The following RNF19A variants were observed in gnomAD, a reference collection of about 807,000 sequenced individuals.
The protein encoded by RNF19A is ring finger protein 19A, RBR E3 ubiquitin protein ligase, also known as E3 ubiquitin-protein ligase RNF19A.
Under a neutral mutation model 75.7 loss-of-function variants are expected in RNF19A, and 32 were observed. The observed-to-expected ratio is 0.42, with a 90% CI of 0.32 to 0.57. The LOEUF (loss-of-function observed/expected upper bound fraction) is 0.57. Ranked by LOEUF, RNF19A falls within the 20% of genes least tolerant of loss-of-function variation. The pLI, the probability that RNF19A is intolerant of heterozygous loss-of-function variation, is 0.10. For missense variants in RNF19A, 782 were observed against 1,036.3 expected (o/e 0.75, Z 3.37); for synonymous variants, 335 against 345.2 (o/e 0.97, Z 0.33).
chr8:100,285,218 T>C (rs532593315), intron 2 of RNF19A, among the ~76,000 whole-genome samples: 17 of 152,216 alleles, frequency 1.1e-4, no homozygotes, highest in Non-Finnish European at 2.2e-4. Context: ...AATGTGGCAG[T>C]AGGTTAATCA....
chr8:100,259,150 G>A lies in RNF19A; in HGVS notation c.1923C>T (p.Ala641=), dbSNP rs1440441234. 2 of 1,613,962 alleles carry A rather than the reference G, an allele frequency of 1.2e-6. No homozygotes were observed. The highest frequency in any genetic ancestry group is 1.7e-6 in the Non-Finnish European group (2 of 1,180,008). Residue 641 remains alanine (A), a synonymous_variant, in exon 10 of 10, where the codon GCC becomes GCT. Transcript: ENST00000341084. This position sits in a 1 kb window ranked among gnomAD's most constrained non-coding sequence, Gnocchi z 4.5. ...SGSSSVDDGS[A]TRSHAGGSSS... Reference sequence around the variant, plus strand: ...ATGAACCGCCAGCATGACTTCGGGTGGCACTGCCATCATCCACACTACTGC... The same window carrying A: ...ATGAACCGCCAGCATGACTTCGGGTAGCACTGCCATCATCCACACTACTGC...
In RNF19A at chr8:100,258,021, T is replaced by G; in HGVS notation, c.*535A>C. 1 of 398,780 alleles carries G rather than the reference T, an allele frequency of 2.5e-6. No homozygotes were observed. Among genetic ancestry groups the G allele is most frequent in the East Asian group, 3.6e-5 (1 of 28,002 alleles). The allele number at this position is 398,780 out of a possible 1,614,324, so 24.7% of individuals were successfully genotyped here. ...AGTATCCAAATGGTAGCAAATGAGC[T>G]GCATTAAGCTTTATATAACCACATT... On this transcript the variant is annotated 3_prime_UTR_variant, in exon 10 of 10. Coordinates refer to ENST00000341084, the MANE Select transcript of RNF19A (RefSeq NM_183419.4). The surrounding 1 kb of genome is among the most constrained non-coding windows in gnomAD (Gnocchi z 4.3).
rs1819525425 is a variant in RNF19A at position 100,257,798 on chromosome 8, G to C, written c.*758C>G. 2 of 382,464 alleles carry C rather than the reference G, an allele frequency of 5.2e-6. No homozygotes were observed. Among genetic ancestry groups the C allele is most frequent in the Non-Finnish European group, 9.3e-6 (2 of 216,106 alleles). 23.7% of individuals were successfully genotyped at this position (382,464 alleles called of 1,614,324 possible). A position where few individuals can be genotyped will look rare whatever the true frequency, so the allele number is the denominator to read the frequency against. Reference sequence around the variant, plus strand: ...TACAAACTTCCCCTTAGAGAAAGGTGGATTTTTTGTAATACTTATAACCTA... The same window carrying C: ...TACAAACTTCCCCTTAGAGAAAGGTCGATTTTTTGTAATACTTATAACCTA... On this transcript the variant is annotated 3_prime_UTR_variant, in exon 10 of 10. Transcript: ENST00000341084.
At chr8:100,266,009 G>A (rs1218248066) in intron 5 of RNF19A, among the ~76,000 whole-genome samples, 2 of 152,174 alleles carry the variant, frequency 1.3e-5, no homozygotes, top group African/African-American at 2.4e-5. Flanking sequence ...ACAACTGATG[G>A]AGCAGACTTG....
At position 100,268,707 on chromosome 8, in the gene RNF19A, CA is replaced by C; in HGVS notation, c.1191+77del. The C allele has an allele frequency of 5.4e-6, 4 of 734,042 alleles. No homozygotes were observed. The East Asian group carries it at 1.5e-4, about 27-fold the overall frequency. 45.5% of individuals were successfully genotyped at this position (734,042 alleles called of 1,614,324 possible). A position where few individuals can be genotyped will look rare whatever the true frequency, so the allele number is the denominator to read the frequency against. On this transcript the variant is annotated intron_variant, in intron 5 of 9. Coordinates refer to ENST00000341084, the MANE Select transcript of RNF19A (RefSeq NM_183419.4). ...CTAAAAAAAAAAAAAAAAAAAAACC[CA>C]AAAATCATCAATACTAAAAGAATAC...
intron 1 of RNF19A, among the ~76,000 whole-genome samples, chr8:100,308,682 T>A (rs1052939565): frequency 7.4e-6 from 1 of 135,316 alleles, no homozygotes; most frequent in Non-Finnish European, 1.7e-5. Context: ...AAAAGAACCA[T>A]GTTCTTTAAA....
Position 100,264,848 on chromosome 8 carries a change from T to G in RNF19A, c.1192-63A>C, listed in dbSNP as rs1480122210. 1 of 1,233,420 alleles carries G rather than the reference T, an allele frequency of 8.1e-7. No individual in the cohort carries two copies. The highest frequency in any genetic ancestry group is 1.5e-5 in the African/African-American group (1 of 67,216). The allele number at this position is 1,233,420 out of a possible 1,614,324, so 76.4% of individuals were successfully genotyped here. On this transcript the variant is annotated intron_variant, in intron 5 of 9. Coordinates refer to ENST00000341084, the MANE Select transcript of RNF19A (RefSeq NM_183419.4). This position sits in a 1 kb window ranked among gnomAD's most constrained non-coding sequence, Gnocchi z 4.7. The stretch of plus-strand genomic sequence containing the variant: ...AAAATACATTACAATTTAACTTAGT[T>G]GAAAAAGATCTATACTTGCTAAAGT...
At position 100,266,606 on chromosome 8, in the gene RNF19A, G is replaced by C. The variant is rs1192258574; in HGVS notation, c.1192-1821C>G. 2.0e-5 allele frequency among the ~76,000 whole-genome samples: 3 copies of C among 152,062 alleles called. No homozygotes were observed. The East Asian group carries it at 5.8e-4, about 29-fold the overall frequency. ...GCTCACTGTAGCCTCAACCTCACGG[G>C]CTCAATCAATCCTCCCATCCCAGCT... On this transcript the variant is annotated intron_variant, in intron 5 of 9. Coordinates refer to ENST00000341084, the MANE Select transcript of RNF19A (RefSeq NM_183419.4).
intron 2 of RNF19A, among the ~76,000 whole-genome samples, chr8:100,278,540 T>C (rs183613809): frequency 6.6e-6 from 1 of 152,270 alleles, no homozygotes; most frequent in East Asian, 1.9e-4. Flanking sequence ...AATAATTAAA[T>C]AGGAAAACAA....
intron 1 of RNF19A, among the ~76,000 whole-genome samples, chr8:100,294,549 T>G (rs558232235): frequency 1.3e-5 from 2 of 152,156 alleles, no homozygotes; most frequent in Non-Finnish European, 2.9e-5. Context: ...CCCTCCTTTC[T>G]GCGATTTATC....
intron 1 of RNF19A, among the ~76,000 whole-genome samples, chr8:100,319,628 C>T (rs987762866): frequency 3.4e-5 from 5 of 149,198 alleles, no homozygotes; most frequent in Non-Finnish European, 7.4e-5. Context: ...CTCCCAGGTT[C>T]AAGTGATTCT....
At chr8:100,319,839 CT>C (rs1208148347) in intron 1 of RNF19A, among the ~76,000 whole-genome samples, 90 of 134,068 alleles carry the variant, frequency 6.7e-4, no homozygotes, top group Middle Eastern at 4.3e-3. Context: ...CTTTTTTTTT[CT>C]TTTTTTTTTT....
chr8:100,285,582 T>A (rs1820978556), intron 2 of RNF19A, among the ~76,000 whole-genome samples: 1 of 152,084 alleles, frequency 6.6e-6, no homozygotes, highest in South Asian at 2.1e-4. Flanking sequence ...TCTTAATATC[T>A]CCTGGCCAAA....
At chr8:100,308,975 T>C (rs913951134) in intron 1 of RNF19A, among the ~76,000 whole-genome samples, 1 of 152,220 alleles carries the variant, frequency 6.6e-6, no homozygotes, top group Admixed American at 6.5e-5. Context: ...CTCTCCCATA[T>C]ATAGCCTTAA....
chr8:100,294,848 G>T (rs1220400432), intron 1 of RNF19A, among the ~76,000 whole-genome samples: 1 of 152,048 alleles, frequency 6.6e-6, no homozygotes, highest in Non-Finnish European at 1.5e-5. Flanking sequence ...TTTTTAAAAC[G>T]ATCCTTTAAA....
In RNF19A at chr8:100,284,423, A is replaced by C. The variant is rs746563507; in HGVS notation, c.674+3078T>G. Among the ~76,000 whole-genome samples the C allele has an allele frequency of 6.6e-6, 1 of 152,194 alleles. No individual in the cohort carries two copies. Among genetic ancestry groups the C allele is most frequent in the Non-Finnish European group, 1.5e-5 (1 of 68,000 alleles). ...CAGAGCAGTATAAGTCAAATATAAA[A>C]TAAAATACACAAAAGTAATCTCTGT... On this transcript the variant is annotated intron_variant, in intron 2 of 9. Coordinates refer to ENST00000341084, the MANE Select transcript of RNF19A (RefSeq NM_183419.4). This position sits in a 1 kb window ranked among gnomAD's most constrained non-coding sequence, Gnocchi z 4.3.
At position 100,288,808 on chromosome 8, in the gene RNF19A, C is replaced by A. The variant is rs924516482; in HGVS notation, c.-93-541G>T. On this transcript the variant is annotated intron_variant, in intron 1 of 9. Coordinates refer to ENST00000341084, the MANE Select transcript of RNF19A (RefSeq NM_183419.4). The stretch of plus-strand genomic sequence containing the variant: ...AGGCGCGGTGGCTCACGCCTGTAAT[C>A]CCAGCACTTTGGGAGGCCAGGATGG... Among the ~76,000 whole-genome samples the A allele has an allele frequency of 4.6e-5, 7 of 152,190 alleles. No individual in the cohort carries two copies. The East Asian group carries it at 1.4e-3, about 29-fold the overall frequency.
intron 5 of RNF19A, among the ~76,000 whole-genome samples, chr8:100,268,264 T>A (rs777884228): frequency 6.6e-6 from 1 of 152,020 alleles, no homozygotes; most frequent in Non-Finnish European, 1.5e-5. Flanking sequence ...ATTCATCAAT[T>A]AGAGGCCAGT....
intron 1 of RNF19A, among the ~76,000 whole-genome samples, chr8:100,296,769 C>T (rs1821584131): frequency 6.6e-6 from 1 of 152,018 alleles, no homozygotes; most frequent in East Asian, 1.9e-4. Context: ...GTACAGCATT[C>T]ACAGCTGTAC....
Sources: gnomAD v4.1 joint callset for allele counts (sites outside exome capture counted in the v4.1 genomes callset) on GRCh38, gnomAD v4.1.1 for gene constraint, Gnocchi (gnomAD v3.1) non-coding constraint, MANE v1.5 for transcripts, NCBI Gene and HGNC (gene_info 2026-07-23, HGNC 2026-07-21) for gene names.